The following STXBP5L variants were observed in gnomAD, a reference collection of about 807,000 sequenced individuals.
STXBP5L encodes the protein syntaxin binding protein 5L, also known as syntaxin-binding protein 5-like.
In STXBP5L, 65 loss-of-function variants were observed where a neutral mutation model predicts 144.5. The observed-to-expected ratio is 0.45, with a 90% CI of 0.37 to 0.55. The LOEUF (loss-of-function observed/expected upper bound fraction) is 0.55, where lower values mean the gene tolerates loss of function less well. Ranked by LOEUF, STXBP5L falls within the 20% of genes least tolerant of loss-of-function variation. STXBP5L has a pLI of 0.00. For synonymous variants in STXBP5L, 505 were observed against 469.6 expected, an observed-to-expected ratio of 1.08 and a Z score of -0.97; for missense variants, 1,298 against 1,405.5, an observed-to-expected ratio of 0.92 and a Z score of 1.22.
intron 5 of STXBP5L, among the ~76,000 whole-genome samples, chr3:121,075,291 C>G (rs2107674226): frequency 6.6e-6 from 1 of 152,258 alleles, no homozygotes; most frequent in South Asian, 2.1e-4. Flanking sequence ...CCTAGGTCAG[C>G]CCCCTTGTTC....
At chr3:121,177,779 A>T (rs903258598) in intron 9 of STXBP5L, among the ~76,000 whole-genome samples, 3 of 152,220 alleles carry the variant, frequency 2.0e-5, no homozygotes, top group Non-Finnish European at 2.9e-5. Flanking sequence ...ACTTCTGGGC[A>T]TATGCCCAAA....
chr3:121,266,902 A>T (rs1391976290), intron 18 of STXBP5L, among the ~76,000 whole-genome samples: 2 of 152,194 alleles, frequency 1.3e-5, no homozygotes, highest in African/African-American at 4.8e-5. Flanking sequence ...AGTACCACTT[A>T]GAAGGGATGT....
At chr3:121,407,663 A>T in intron 23 of STXBP5L, 60 bp downstream of exon 23, 1 of 1,599,132 alleles carries the variant, frequency 6.3e-7, no homozygotes, top group East Asian at 2.2e-5. Flanking sequence ...GTACAATCCT[A>T]AAAAATATAT....
In STXBP5L at chr3:121,378,904, A is replaced by C. The variant is rs2046258491; in HGVS notation, c.2347+18A>C. 6.3e-7 allele frequency: 1 copy of C among 1,598,206 alleles called. No homozygotes were observed. Among genetic ancestry groups the C allele is most frequent in the Non-Finnish European group, 8.5e-7 (1 of 1,171,464 alleles). On this transcript the variant is annotated intron_variant, in intron 21 of 26. Transcript: ENST00000471454. ...AACAGAAGGTATGTTAAACATATTA[A>C]ATTTTTTTGTTACAGTTAAAATTTG... is the stretch of plus-strand genomic sequence containing the variant.
At chr3:121,103,979 T>C (rs568788919) in intron 5 of STXBP5L, among the ~76,000 whole-genome samples, 7 of 152,328 alleles carry the variant, frequency 4.6e-5, no homozygotes, top group African/African-American at 1.7e-4. Flanking sequence ...TGTCAAATTA[T>C]TTTTAATTAT....
intron 20 of STXBP5L, 28 bp from the exon 21 acceptor site, chr3:121,378,688 G>C (rs1054417163): frequency 3.7e-6 from 6 of 1,607,338 alleles, no homozygotes. Context: ...ATCATTATAT[G>C]TATGCTGCCT....
chr3:121,004,330 C>G (rs1034741455), intron 3 of STXBP5L, among the ~76,000 whole-genome samples: 3 of 151,834 alleles, frequency 2.0e-5, no homozygotes, highest in Admixed American at 6.6e-5. Flanking sequence ...TGGGAGTTCA[C>G]TCATGATTTG....
At chr3:121,318,591 T>C in intron 20 of STXBP5L, 51 bp downstream of exon 20, 1 of 1,213,268 alleles carries the variant, frequency 8.2e-7, no homozygotes, top group Non-Finnish European at 1.1e-6. Context: ...TGCAGTAATC[T>C]GTTGCTTTAT....
In STXBP5L at chr3:121,315,770, G is replaced by A. The variant is rs184964221; in HGVS notation, c.2111-2705G>A. Among the ~76,000 whole-genome samples, 271 of 152,194 alleles carry A rather than the reference G, an allele frequency of 1.8e-3. 1 individual carries two copies. Among genetic ancestry groups the A allele is most frequent in the African/African-American group, 5.6e-3 (231 of 41,534 alleles). ...TAATCCCAGCACTTTGGGAGGCTGA[G>A]GCAGGCAGATCACTTGAGGTCAGGA... On this transcript the variant is annotated intron_variant, in intron 19 of 26. Coordinates refer to ENST00000471454, the MANE Select transcript of STXBP5L (RefSeq NM_001308330.2).
At position 121,170,045 on chromosome 3, in the gene STXBP5L, A is replaced by G. The variant is rs189991406; in HGVS notation, c.877+12418A>G. ...TTAGAACTCAGGATTAAGAAACTCA[A>G]TCAAAACCGCACAACTACTTGGAAA... On this transcript the variant is annotated intron_variant, in intron 9 of 26. Transcript: ENST00000471454. 2.8e-3 allele frequency among the ~76,000 whole-genome samples: 426 copies of G among 152,098 alleles called. 5 individuals carry two copies. Among genetic ancestry groups the G allele is most frequent in the African/African-American group, 9.8e-3 (406 of 41,518 alleles).
intron 12 of STXBP5L, among the ~76,000 whole-genome samples, chr3:121,234,664 C>T (rs1273835894): frequency 1.3e-5 from 2 of 151,424 alleles, no homozygotes; most frequent in Admixed American, 6.6e-5. Flanking sequence ...ATGTAAGATC[C>T]AGGGTTCTTC....
At chr3:121,162,268 T>C (rs1218215120) in intron 9 of STXBP5L, among the ~76,000 whole-genome samples, 1 of 152,112 alleles carries the variant, frequency 6.6e-6, no homozygotes, top group Non-Finnish European at 1.5e-5. Context: ...ATTCAGTTTG[T>C]TCCCAAGAAA....
In STXBP5L at chr3:121,181,572, A is replaced by G. The variant is rs531179279; in HGVS notation, c.877+23945A>G. Among the ~76,000 whole-genome samples, 3 of 152,228 alleles carry G rather than the reference A, an allele frequency of 2.0e-5. No homozygotes were observed. The East Asian group carries it at 5.8e-4, about 29-fold the overall frequency. On this transcript the variant is annotated intron_variant, in intron 9 of 26. Coordinates refer to ENST00000471454, the MANE Select transcript of STXBP5L (RefSeq NM_001308330.2). Reference sequence around the variant, plus strand: ...AACATGGTGAAACCCCTTCTCTACTAAAAATGCAAAAATTAGCTGGGCATG... The same window carrying G: ...AACATGGTGAAACCCCTTCTCTACTGAAAATGCAAAAATTAGCTGGGCATG...
intron 9 of STXBP5L, among the ~76,000 whole-genome samples, chr3:121,160,041 C>T (rs1377419382): frequency 6.6e-6 from 1 of 152,204 alleles, no homozygotes. Flanking sequence ...CTTAGAGAAG[C>T]GAGTTAACAT....
intron 9 of STXBP5L, among the ~76,000 whole-genome samples, chr3:121,178,247 T>C (rs552364804): frequency 1.3e-5 from 2 of 152,342 alleles, no homozygotes; most frequent in East Asian, 3.9e-4. Flanking sequence ...GCCACTGAAC[T>C]GTACACTGAA....
At chr3:121,373,854 TC>T (rs769494840) in intron 20 of STXBP5L, among the ~76,000 whole-genome samples, 8 of 152,038 alleles carry the variant, frequency 5.3e-5, no homozygotes, top group Non-Finnish European at 1.0e-4. Flanking sequence ...TGCACTCCAC[TC>T]AGGCACCAGA....
At chr3:120,924,393 A>G (rs908860798) in intron 2 of STXBP5L, among the ~76,000 whole-genome samples, 1 of 152,190 alleles carries the variant, frequency 6.6e-6, no homozygotes, top group Non-Finnish European at 1.5e-5. Flanking sequence ...AACTGCAATA[A>G]TAGAAATGAA....
intron 10 of STXBP5L, 80 bp downstream of exon 10, chr3:121,206,081 T>C: frequency 2.5e-6 from 2 of 794,842 alleles, no homozygotes; most frequent in Admixed American, 3.1e-5. Context: ...TAAGATATTG[T>C]TTAAAGTTTT....
At chr3:120,965,685 C>G (rs777853432) in intron 3 of STXBP5L, among the ~76,000 whole-genome samples, 1 of 152,134 alleles carries the variant, frequency 6.6e-6, no homozygotes, top group South Asian at 2.1e-4. Context: ...GTAACTTGAC[C>G]TTTCTCTCTG....
Sources: allele counts gnomAD v4.1 joint callset (sites outside exome capture counted in the v4.1 genomes callset), GRCh38; gene constraint gnomAD v4.1.1; transcripts MANE v1.5; gene names NCBI Gene and HGNC (gene_info 2026-07-23, HGNC 2026-07-21).